The following SLC26A4 variants were observed in gnomAD, a reference collection of about 807,000 sequenced individuals.
SLC26A4 encodes solute carrier family 26 member 4.
A neutral mutation model predicts 90.4 loss-of-function variants in SLC26A4; 93 were observed. The observed-to-expected ratio is 1.03, with a 90% CI of 0.87 to 1.22. SLC26A4 has a LOEUF of 1.22. SLC26A4 is among the 50% of genes most tolerant of loss of function. The pLI is 0.00. For missense variants in SLC26A4, 1,127 were observed against 946.2 expected (o/e 1.19, Z -2.51); for synonymous variants, 393 against 354.6 (o/e 1.11, Z -1.22).
At chr7:107,682,945 G>C (rs1209265270) in intron 6 of SLC26A4, among the ~76,000 whole-genome samples, 1 of 152,018 alleles carries the variant, frequency 6.6e-6, no homozygotes, top group East Asian at 1.9e-4. Flanking sequence ...AAATCACCCA[G>C]TTTTTCCTTT....
At chr7:107,686,401 T>TC (rs1791412439) in intron 8 of SLC26A4, among the ~76,000 whole-genome samples, 1 of 85,610 alleles carries the variant, frequency 1.2e-5, no homozygotes, top group Non-Finnish European at 2.4e-5. Context: ...TTCCTCTCTC[T>TC]CTTTTTTCTT....
chr7:107,683,903 C>A (rs147054646), intron 8 of SLC26A4, among the ~76,000 whole-genome samples: 96 of 152,226 alleles, frequency 6.3e-4, no homozygotes, highest in Non-Finnish European at 1.2e-3. Flanking sequence ...GAATCAGGGA[C>A]GTCTGGCCTA....
chr7:107,694,145 A>G (rs1015717519), intron 10 of SLC26A4, among the ~76,000 whole-genome samples: 3 of 152,202 alleles, frequency 2.0e-5, no homozygotes, highest in African/African-American at 7.2e-5. Flanking sequence ...AATCCCTGTC[A>G]AACTGGCTTT....
intron 17 of SLC26A4, among the ~76,000 whole-genome samples, chr7:107,703,166 A>G (rs1474781531): frequency 6.6e-6 from 1 of 152,236 alleles, no homozygotes; most frequent in African/African-American, 2.4e-5. Context: ...AAGTCATCTT[A>G]TAAATAACAA....
chr7:107,688,962 T>C (rs1469733863), intron 8 of SLC26A4, 91 bp from the exon 9 acceptor site: 4 of 1,311,994 alleles, frequency 3.0e-6, no homozygotes, highest in Admixed American at 1.7e-5. Context: ...TCATGTCTAA[T>C]ATGTGACTGA....
rs191327916 is a variant in SLC26A4 at position 107,709,282 on chromosome 7, T to C, written c.2090-772T>C. ...AACCTCCCAGTTCTCTTTATTTACTTATTTATTTGAGACAGGGTCTTGCTC... is the reference window on the plus strand; with the variant it reads ...AACCTCCCAGTTCTCTTTATTTACTCATTTATTTGAGACAGGGTCTTGCTC... On this transcript the variant is annotated intron_variant, in intron 18 of 20. Transcript: ENST00000644269. 4.4e-4 allele frequency among the ~76,000 whole-genome samples: 67 copies of C among 152,202 alleles called. No homozygotes were observed. The East Asian group carries it at 0.011, about 25-fold the overall frequency.
chr7:107,704,097 G>A (rs950096611), intron 17 of SLC26A4, among the ~76,000 whole-genome samples: 2 of 152,106 alleles, frequency 1.3e-5, no homozygotes, highest in African/African-American at 2.4e-5. Flanking sequence ...GCACCTCCAC[G>A]CTATCAAGTG....
At position 107,712,543 on chromosome 7, in the gene SLC26A4, C is replaced by T. The variant is rs377035162; in HGVS notation, c.2240C>T (p.Thr747Ile). Residue 747 changes from threonine (T) to isoleucine (I), a missense_variant, in exon 20 of 21, where the codon ACT becomes ATT. Thr to Ile is a moderately conservative substitution (Grantham distance 89). Coordinates refer to ENST00000644269, the MANE Select transcript of SLC26A4 (RefSeq NM_000441.2). ...CCCTGTGTTCTCTTTTTCAAGATCA[C>T]TCTCATTCAGGATTGTAAAGATACC... ...EGQGSILETI[T>I]LIQDCKDTLE... The T allele has an allele frequency of 3.9e-6, 6 of 1,537,930 alleles. No homozygotes were observed. The African/African-American group carries it at 8.2e-5, about 21-fold the overall frequency.
At chr7:107,671,459 C>T (rs1219432920) in intron 3 of SLC26A4, among the ~76,000 whole-genome samples, 2 of 152,204 alleles carry the variant, frequency 1.3e-5, no homozygotes, top group African/African-American at 2.4e-5. Context: ...CCAGGCCTGA[C>T]CAAGTTTTTA....
intron 6 of SLC26A4, among the ~76,000 whole-genome samples, chr7:107,682,454 T>C (rs1450308301): frequency 6.6e-6 from 1 of 152,020 alleles, no homozygotes; most frequent in Non-Finnish European, 1.5e-5. Flanking sequence ...TGTTTTAATT[T>C]AAAAAAAAGT....
intron 19 of SLC26A4, among the ~76,000 whole-genome samples, chr7:107,711,550 C>A (rs1366923065): frequency 2.6e-5 from 4 of 152,114 alleles, no homozygotes; most frequent in African/African-American, 9.7e-5. Flanking sequence ...GTATTACATA[C>A]TTACTGGTCC....
In SLC26A4 at chr7:107,661,463, C is replaced by T; in HGVS notation, c.-3-176C>T. 1 of 709,464 alleles carries T rather than the reference C, an allele frequency of 1.4e-6. No homozygotes were observed. Among genetic ancestry groups the T allele is most frequent in the Non-Finnish European group, 2.4e-6 (1 of 420,912 alleles). 43.9% of individuals were successfully genotyped at this position (709,464 alleles called of 1,614,324 possible). On this transcript the variant is annotated intron_variant, in intron 1 of 20. Coordinates refer to ENST00000644269, the MANE Select transcript of SLC26A4 (RefSeq NM_000441.2). This position sits in a 1 kb window ranked among gnomAD's most constrained non-coding sequence, Gnocchi z 5.1. ...TGCCCCCCTGCAGGCTGGCCGTGCGCGCCGTGGGGCGCTTGTCGCGAGCGC... is the reference window on the plus strand; with the variant it reads ...TGCCCCCCTGCAGGCTGGCCGTGCGTGCCGTGGGGCGCTTGTCGCGAGCGC...
At chr7:107,664,513 T>G (rs1464559977) in intron 3 of SLC26A4, among the ~76,000 whole-genome samples, 2 of 152,070 alleles carry the variant, frequency 1.3e-5, no homozygotes, top group African/African-American at 4.8e-5. Context: ...ATTACAGGCA[T>G]GAGCCACCAT....
At position 107,674,218 on chromosome 7, in the gene SLC26A4, C is replaced by T; in HGVS notation, c.470C>T (p.Pro157Leu). The change falls in exon 5 of 21, where the codon CCC (proline) becomes CTC (leucine). Residue 157 changes from proline (P) to leucine (L), a missense_variant. Transcript: ENST00000644269. ...GGATCTGTTGTTCTGAGCATGGCCC[C>T]CGACGAACACTTTCTCGTATCCAGC... is the stretch of plus-strand genomic sequence containing the variant. ...MVGSVVLSMA[P>L]DEHFLVSSSN... 6.2e-7 allele frequency: 1 copy of T among 1,614,074 alleles called. No homozygotes were observed. Among genetic ancestry groups the T allele is most frequent in the African/African-American group, 1.3e-5 (1 of 74,990 alleles).
intron 18 of SLC26A4, among the ~76,000 whole-genome samples, chr7:107,708,864 A>T (rs1459845979): frequency 6.6e-6 from 1 of 152,122 alleles, no homozygotes; most frequent in Non-Finnish European, 1.5e-5. Flanking sequence ...TGAGGAGAGC[A>T]AAGCTGGAGA....
At chr7:107,670,667 G>A (rs1470974778) in intron 3 of SLC26A4, among the ~76,000 whole-genome samples, 2 of 152,128 alleles carry the variant, frequency 1.3e-5, no homozygotes, top group African/African-American at 2.4e-5. Flanking sequence ...AATATTGAGT[G>A]TGTGGGGGCC....
intron 6 of SLC26A4, among the ~76,000 whole-genome samples, chr7:107,678,263 C>T (rs1791079092): frequency 6.6e-6 from 1 of 152,184 alleles, no homozygotes; most frequent in Admixed American, 6.5e-5. Context: ...GAATACTTAC[C>T]ATGTGCCAGG....
Position 107,683,461 on chromosome 7 carries a change from A to T in SLC26A4, c.925A>T (p.Ile309Phe). ...ATCTTTTGTTTTATTTCAGACGATA[A>T]TTGCTACTGCCATTTCATATGGAGC... is the stretch of plus-strand genomic sequence containing the variant. The part of the protein sequence containing the change: ...PIPIEVIVTI[I>F]ATAISYGANL... Residue 309 changes from isoleucine (I) to phenylalanine (F), a missense_variant, in exon 8 of 21, where the codon ATT (isoleucine) becomes TTT (phenylalanine). By Grantham distance (21) the Ile-to-Phe change is conservative. Transcript: ENST00000644269. 6 of 1,613,810 alleles carry T rather than the reference A, an allele frequency of 3.7e-6. No homozygotes were observed. The highest frequency in any genetic ancestry group is 5.1e-6 in the Non-Finnish European group (6 of 1,179,776).
chr7:107,711,558 T>TTTATAAAC (rs1792187635), intron 19 of SLC26A4, among the ~76,000 whole-genome samples: 1 of 152,188 alleles, frequency 6.6e-6, no homozygotes, highest in African/African-American at 2.4e-5. Flanking sequence ...TACTTACTGG[T>TTTATAAAC]CCACTAAAAG....
Sources: gnomAD v4.1 joint callset for allele counts (sites outside exome capture counted in the v4.1 genomes callset) on GRCh38, gnomAD v4.1.1 for gene constraint, Gnocchi (gnomAD v3.1) non-coding constraint, MANE v1.5 for transcripts, NCBI Gene and HGNC (gene_info 2026-07-23, HGNC 2026-07-21) for gene names.